STS: variants seen among roughly 807,000 people sequenced by gnomAD.
STS encodes steryl-sulfatase.
In STS, 7 loss-of-function variants were observed where a neutral mutation model predicts 26.8. The ratio of observed to expected loss-of-function variants is 0.26; its 90% CI spans 0.15 to 0.49. STS has a LOEUF of 0.49. STS is among the 20% of genes least tolerant of loss of function. The probability of loss-of-function intolerance (pLI) is 0.98; values close to 1 mark genes in which losing one functional copy is unlikely to be tolerated. For missense variants in STS, 434 were observed against 465.6 expected (o/e 0.93, Z 0.63); for synonymous variants, 199 against 189.4 (o/e 1.05, Z -0.42).
chrX:7,154,888 A>G (rs1410986531), intron 1 of STS, among the ~76,000 whole-genome samples: 2 of 112,532 alleles, frequency 1.8e-5, no homozygotes, highest in Non-Finnish European at 3.8e-5. Context: ...GTTTTCTTCA[A>G]TTATGATGTC....
chrX:7,185,516 A>G (rs1188364513), intron 1 of STS, among the ~76,000 whole-genome samples: 1 of 112,539 alleles, frequency 8.9e-6, no homozygotes, highest in South Asian at 3.6e-4. Context: ...CAATTCCATT[A>G]TTATTATTAC....
Position 7,259,409 on chromosome X carries a change from A to C in STS, c.443A>C (p.His148Pro). 8.3e-7 allele frequency: 1 copy of C among 1,211,369 alleles called. No individual in the cohort carries two copies. ...SKTDFCHHPL[H>P]HGFNYFYGIS... is the part of the protein sequence containing the mutation. ...ACTGACTTCTGTCACCACCCTTTAC[A>C]TCACGGCTTCAATTATTTCTATGGG... Residue 148 changes from histidine to proline, a missense_variant, in exon 6 of 11, where the codon CAT becomes CCT. Around this residue, in one of 2 missense-constraint regions of STS, gnomAD observed 229 missense variants for 288.3 expected, o/e 0.79. Coordinates refer to ENST00000674429, the MANE Select transcript of STS (RefSeq NM_001320752.2).
chrX:7,327,894 G>T, intron 9 of STS, among the ~76,000 whole-genome samples: 1 of 112,141 alleles, frequency 8.9e-6, no homozygotes, highest in Non-Finnish European at 1.9e-5. Flanking sequence ...GTAGTCAGAT[G>T]TACATTATTA....
At chrX:7,165,944 A>G (rs1338337570) in intron 1 of STS, among the ~76,000 whole-genome samples, 2 of 109,814 alleles carry the variant, frequency 1.8e-5, no homozygotes, top group African/African-American at 3.3e-5. Context: ...CATTACTTTA[A>G]CTTTGTGTGG....
Position 7,203,575 on chromosome X carries a change from CT to C in STS, c.-5+12570del, listed in dbSNP as rs758740939. 2.7e-5 allele frequency among the ~76,000 whole-genome samples: 3 copies of C among 111,511 alleles called. No homozygotes were observed. In the East Asian group the frequency reaches 8.4e-4, roughly 31 times the overall value. On this transcript the variant is annotated intron_variant, in intron 2 of 10. Coordinates refer to ENST00000674429, the MANE Select transcript of STS (RefSeq NM_001320752.2). Reference sequence around the variant, plus strand: ...AGGAATACACTATGATTAAATTGTACTTTGTAAACTGTTTTTTTCTGTTTAT... The same window carrying C: ...AGGAATACACTATGATTAAATTGTACTTGTAAACTGTTTTTTTCTGTTTAT...
rs1421298459 is a variant in STS at position 7,336,496 on chromosome X, G to A, written c.1363+2389G>A. Among the ~76,000 whole-genome samples, 3 of 111,858 alleles carry A rather than the reference G, an allele frequency of 2.7e-5. No individual in the cohort carries two copies. The Admixed American group carries it at 2.9e-4, about 11-fold the overall frequency. On this transcript the variant is annotated intron_variant, in intron 10 of 10. Coordinates refer to ENST00000674429, the MANE Select transcript of STS (RefSeq NM_001320752.2). Reference sequence around the variant, plus strand: ...GCTTCAGAGTTTCTCCTTTAAGTCTGGCAGTTTTCTCATGATATGTTCTAG... The same window carrying A: ...GCTTCAGAGTTTCTCCTTTAAGTCTAGCAGTTTTCTCATGATATGTTCTAG...
At chrX:7,268,107 G>T (rs753556827) in intron 6 of STS, among the ~76,000 whole-genome samples, 1 of 110,595 alleles carries the variant, frequency 9.0e-6, no homozygotes, top group South Asian at 4.0e-4. Context: ...ATCAAGGGGT[G>T]GGGGGGAAAC....
chrX:7,175,179 T>TAAA (rs143220502), intron 1 of STS, among the ~76,000 whole-genome samples: 25 of 42,079 alleles, frequency 5.9e-4, no homozygotes, highest in African/African-American at 1.8e-3. Context: ...TCTGAGCTGG[T>TAAA]AAAAAAAAAA....
chrX:7,306,272 G>A lies in STS; in HGVS notation c.1081+1089G>A, dbSNP rs1926211358. On this transcript the variant is annotated intron_variant, in intron 8 of 10. Coordinates refer to ENST00000674429, the MANE Select transcript of STS (RefSeq NM_001320752.2). ...TGACAGACATTACATGACACACAAC[G>A]TGGCCCATTTCATAAAGTGATATGA... Among the ~76,000 whole-genome samples the A allele has an allele frequency of 2.7e-5, 3 of 110,659 alleles. 1 individual carries two copies. The South Asian group carries it at 1.2e-3, about 43-fold the overall frequency.
At chrX:7,226,915 C>T (rs1275255387) in intron 2 of STS, among the ~76,000 whole-genome samples, 1 of 111,725 alleles carries the variant, frequency 9.0e-6, no homozygotes, top group Non-Finnish European at 1.9e-5. Context: ...CTTAGAGTTC[C>T]ACTTGTTCTG....
At chrX:7,274,237 G>A (rs1320185439) in intron 6 of STS, among the ~76,000 whole-genome samples, 2 of 111,308 alleles carry the variant, frequency 1.8e-5, no homozygotes, top group African/African-American at 6.5e-5. Flanking sequence ...GTAGTTAAAG[G>A]AAGAGCTTGA....
At chrX:7,176,318 G>A (rs1933569584) in intron 1 of STS, among the ~76,000 whole-genome samples, 1 of 111,576 alleles carries the variant, frequency 9.0e-6, no homozygotes, top group Non-Finnish European at 1.9e-5. Context: ...GTGCAAAGTA[G>A]AAGAAAGTTG....
Position 7,345,458 on chromosome X carries a change from T to C in STS, c.1364-4430T>C, listed in dbSNP as rs769131434. 2.5e-3 allele frequency among the ~76,000 whole-genome samples: 283 copies of C among 111,348 alleles called. 1 individual carries two copies. The highest frequency in any genetic ancestry group is 9.0e-3 in the African/African-American group (276 of 30,573). On this transcript the variant is annotated intron_variant, in intron 10 of 10. Transcript: ENST00000674429. ...ATCTAAATGGGTCCAGGTGCTGGGG[T>C]GATTACCCTTATCTTGTCTCCTGCT...
chrX:7,246,632 A>G (rs1451103836), intron 2 of STS, among the ~76,000 whole-genome samples: 4 of 111,664 alleles, frequency 3.6e-5, no homozygotes, highest in Non-Finnish European at 7.5e-5. Flanking sequence ...ACTTAGCTGC[A>G]GGTCCTGCCC....
At chrX:7,163,166 C>A (rs186640834) in intron 1 of STS, among the ~76,000 whole-genome samples, 2 of 111,400 alleles carry the variant, frequency 1.8e-5, no homozygotes, top group Non-Finnish European at 3.8e-5. Flanking sequence ...TGGTGGCTGT[C>A]CTGTGCACCA....
intron 2 of STS, chrX:7,219,716 G>A: frequency 8.3e-7 from 1 of 1,209,866 alleles, no homozygotes; most frequent in Non-Finnish European, 1.1e-6. Flanking sequence ...GCCAGGCTGG[G>A]AGTTTTTAAC....
At chrX:7,255,800 T>G (rs1923379001) in intron 3 of STS, among the ~76,000 whole-genome samples, 1 of 112,271 alleles carries the variant, frequency 8.9e-6, no homozygotes, top group African/African-American at 3.2e-5. Context: ...TTAAACACAT[T>G]CACTAAATTA....
intron 1 of STS, among the ~76,000 whole-genome samples, chrX:7,190,381 G>A (rs1933851146): frequency 9.0e-6 from 1 of 111,435 alleles, no homozygotes; most frequent in South Asian, 3.8e-4. Context: ...GTGAGTGATG[G>A]AGAATGGCTG....
intron 7 of STS, among the ~76,000 whole-genome samples, chrX:7,293,640 A>G (rs1925525058): frequency 9.0e-6 from 1 of 111,592 alleles, no homozygotes; most frequent in Non-Finnish European, 1.9e-5. Context: ...AGTTACACCC[A>G]TATGGAAAGC....
Sources: gnomAD v4.1 joint callset for allele counts (sites outside exome capture counted in the v4.1 genomes callset) on GRCh38, gnomAD v4.1.1 for gene constraint, gnomAD v4.1.1 regional missense constraint, MANE v1.5 for transcripts, NCBI Gene and HGNC (gene_info 2026-07-23, HGNC 2026-07-21) for gene names.